Variants in UAP1L1 observed in about 807,000 individuals in gnomAD.
UAP1L1 encodes the protein UDP-N-acetylhexosamine pyrophosphorylase-like protein 1.
Under a neutral mutation model 45.3 loss-of-function variants are expected in UAP1L1, and 45 were observed. That is an observed-to-expected ratio of 0.99 (90% confidence interval 0.78 to 1.27). The LOEUF (loss-of-function observed/expected upper bound fraction) is 1.27, where lower values mean the gene tolerates loss of function less well. UAP1L1 is among the 50% of genes most tolerant of loss of function. The pLI is 0.00. For missense variants in UAP1L1, 667 were observed against 694.0 expected (o/e 0.96, Z 0.44); for synonymous variants, 323 against 303.9 (o/e 1.06, Z -0.65).
chr9:137,079,947 A>G, intron 5 of UAP1L1, 55 bp from the exon 6 acceptor site: 1 of 1,602,216 alleles, frequency 6.2e-7, no homozygotes, highest in Non-Finnish European at 8.5e-7. Flanking sequence ...CAGAGCCCCC[A>G]GCGGTGCCAT....
Position 137,077,571 on chromosome 9 carries a change from C to G in UAP1L1, c.39C>G (p.Arg13=). Residue 13 remains arginine, a synonymous_variant, in exon 1 of 9, where the codon CGC becomes CGG. Transcript: ENST00000409858. The surrounding 1 kb of genome is among the most constrained non-coding windows in gnomAD (Gnocchi z 4.7). ...SEQDVRARLQ[R]AGQEHLLRFW... is the part of the protein sequence containing the mutation. Reference sequence around the variant, plus strand: ...AGGACGTGCGCGCCCGGCTGCAGCGCGCTGGCCAGGAGCACCTCCTGCGCT... The same window carrying G: ...AGGACGTGCGCGCCCGGCTGCAGCGGGCTGGCCAGGAGCACCTCCTGCGCT... 1 of 1,395,790 alleles carries G rather than the reference C, an allele frequency of 7.2e-7. No individual in the cohort carries two copies. The highest frequency in any genetic ancestry group is 1.4e-5 in the South Asian group (1 of 73,810). The allele number at this position is 1,395,790 out of a possible 1,614,324, so 86.5% of individuals were successfully genotyped here. A position where few individuals can be genotyped will look rare whatever the true frequency, so the allele number is the denominator to read the frequency against.
rs758394386 is a variant in UAP1L1 at position 137,078,442 on chromosome 9, G to A, written c.495-60G>A. On this transcript the variant is annotated intron_variant, in intron 2 of 8. Coordinates refer to ENST00000409858, the MANE Select transcript of UAP1L1 (RefSeq NM_207309.3). The stretch of plus-strand genomic sequence containing the variant: ...AACCCCGATGCCGGCTCTGGTCCGA[G>A]CCCCGTCTGCCTGCAGGGCCAGGCG... 3.1e-6 allele frequency: 5 copies of A among 1,610,244 alleles called. No individual in the cohort carries two copies. The Admixed American group carries it at 5.0e-5, about 16-fold the overall frequency.
rs1248027990 is a variant in UAP1L1, at chr9:137,080,024, C to T, written c.1060C>T (p.Pro354Ser). The T allele has an allele frequency of 1.9e-6, 3 of 1,613,956 alleles. No individual in the cohort carries two copies. Among genetic ancestry groups the T allele is most frequent in the Non-Finnish European group, 8.5e-7 (1 of 1,179,952 alleles). The part of the protein sequence containing the change: ...VTREFEPLLK[P>S]HVAVKKVPYV... ...CAGGGAGTTTGAGCCTTTGCTGAAGCCACACGTGGCTGTGAAGAAGGTCCC... is the reference window on the plus strand; with the variant it reads ...CAGGGAGTTTGAGCCTTTGCTGAAGTCACACGTGGCTGTGAAGAAGGTCCC... Residue 354 changes from proline (P) to serine (S), a missense_variant, in exon 6 of 9, where the codon CCA (proline) becomes TCA (serine). By Grantham distance (74) the Pro-to-Ser change is moderately conservative (BLOSUM62 -1). Transcript: ENST00000409858.
chr9:137,077,817 G>A lies in UAP1L1; in HGVS notation c.285G>A (p.Glu95=), dbSNP rs1832716244. ...SDPETRRRWE[E]EGFRQISLNK... is the part of the protein sequence containing the mutation. ...CCGAGACACGGCGGCGCTGGGAGGA[G>A]GAAGGTAAGCGGGGTGGGAGGCCCT... is the stretch of plus-strand genomic sequence containing the variant. Residue 95 remains glutamate, a synonymous_variant, in exon 1 of 9, where the codon GAG becomes GAA. Transcript: ENST00000409858. The surrounding 1 kb of genome is among the most constrained non-coding windows in gnomAD (Gnocchi z 4.7). The A allele has an allele frequency of 2.9e-5, 40 of 1,400,928 alleles. No homozygotes were observed. Among genetic ancestry groups the A allele is most frequent in the Non-Finnish European group, 3.7e-5 (40 of 1,082,510 alleles). 86.8% of individuals were successfully genotyped at this position (1,400,928 alleles called of 1,614,324 possible).
Position 137,077,614 on chromosome 9 carries a change from C to T in UAP1L1, c.82C>T (p.Pro28Ser). 7.4e-7 allele frequency: 1 copy of T among 1,344,510 alleles called. No homozygotes were observed. Among genetic ancestry groups the T allele is most frequent in the Admixed American group, 2.9e-5 (1 of 34,744 alleles). 83.3% of individuals were successfully genotyped at this position (1,344,510 alleles called of 1,614,324 possible). Residue 28 changes from proline to serine, a missense_variant, in exon 1 of 9, where the codon CCG (proline) becomes TCG (serine). Physicochemically the swap from Pro to Ser is moderately conservative, Grantham distance 74 (BLOSUM62 -1). Coordinates refer to ENST00000409858, the MANE Select transcript of UAP1L1 (RefSeq NM_207309.3). This position sits in a 1 kb window ranked among gnomAD's most constrained non-coding sequence, Gnocchi z 4.7. Reference sequence around the variant, plus strand: ...CCTGCGCTTCTGGGCCGAGCTGGCGCCGGAGCCACGAGCCGCGCTGCTGGC... The same window carrying T: ...CCTGCGCTTCTGGGCCGAGCTGGCGTCGGAGCCACGAGCCGCGCTGCTGGC... ...HLLRFWAELA[P>S]EPRAALLAEL...
rs564627575 is a variant in UAP1L1 at position 137,078,160 on chromosome 9, A to C, written c.400A>C (p.Ser134Arg). ...GGGTATGTACCGTGTGGGGCTGCCC[A>C]GCCGGAAGACCCTGTACCAGCTGCA... ...PKGMYRVGLP[S>R]RKTLYQLQAE... is the part of the protein sequence containing the mutation. Residue 134 changes from serine (S) to arginine (R), a missense_variant, in exon 2 of 9, where the codon AGC (serine) becomes CGC (arginine). Ser to Arg is a moderately radical substitution (Grantham distance 110). Transcript: ENST00000409858. 5.7e-4 allele frequency: 888 copies of C among 1,550,066 alleles called. 4 individuals carry two copies. In the African/African-American group the frequency reaches 0.011, roughly 19 times the overall value.
rs769549923 is a variant in UAP1L1 at position 137,080,083 on chromosome 9, G to A, written c.1119G>A (p.Pro373=). The change falls in exon 6 of 9, where the codon CCG becomes CCA. Residue 373 remains proline, a synonymous_variant. Coordinates refer to ENST00000409858, the MANE Select transcript of UAP1L1 (RefSeq NM_207309.3). ...ATGAGGAGGGGAATCTGGTAAAGCC[G>A]CTAAAACCGAACGGGATAAAGATGG... is the stretch of plus-strand genomic sequence containing the variant. ...YVDEEGNLVK[P]LKPNGIKMEK... 12 of 1,614,080 alleles carry A rather than the reference G, an allele frequency of 7.4e-6. No individual in the cohort carries two copies. Among genetic ancestry groups the A allele is most frequent in the Middle Eastern group, 1.6e-4 (1 of 6,080 alleles).
intron 4 of UAP1L1, 30 bp downstream of exon 4, chr9:137,079,178 C>T (rs1269879639): frequency 6.3e-7 from 1 of 1,594,466 alleles, no homozygotes; most frequent in East Asian, 2.2e-5. Context: ...GCGCCCCGCA[C>T]CCGAGGCTGG....
chr9:137,078,301 G>T, intron 2 of UAP1L1, 47 bp downstream of exon 2: 3 of 1,508,528 alleles, frequency 2.0e-6, no homozygotes, highest in Non-Finnish European at 2.7e-6. Flanking sequence ...CCTTCCCCAC[G>T]CCCCCCCACA....
intron 5 of UAP1L1, chr9:137,079,718 G>A (rs1361718522): frequency 1.7e-6 from 1 of 584,958 alleles, no homozygotes; most frequent in South Asian, 2.2e-5. Context: ...CTGGGGACCT[G>A]CCCTGGTGCC....
At position 137,080,072 on chromosome 9, in the gene UAP1L1, C is replaced by T. The variant is rs758639798; in HGVS notation, c.1108C>T (p.Leu370=). The T allele has an allele frequency of 1.9e-6, 3 of 1,614,062 alleles. No individual in the cohort carries two copies. The highest frequency in any genetic ancestry group is 2.5e-6 in the Non-Finnish European group (3 of 1,180,004). The part of the protein sequence containing the change: ...KVPYVDEEGN[L]VKPLKPNGIK... Reference sequence around the variant, plus strand: ...CCCGTATGTGGATGAGGAGGGGAATCTGGTAAAGCCGCTAAAACCGAACGG... The same window carrying T: ...CCCGTATGTGGATGAGGAGGGGAATTTGGTAAAGCCGCTAAAACCGAACGG... The change falls in exon 6 of 9, where the codon CTG becomes TTG. Residue 370 remains leucine, a synonymous_variant. Coordinates refer to ENST00000409858, the MANE Select transcript of UAP1L1 (RefSeq NM_207309.3).
intron 2 of UAP1L1, 119 bp from the exon 3 acceptor site, chr9:137,078,383 C>T: frequency 4.4e-6 from 7 of 1,579,918 alleles, no homozygotes; most frequent in South Asian, 1.1e-5. Context: ...CAAAATGGGG[C>T]CTGGCCCCAG....
chr9:137,078,012 G>A (rs1413477325), intron 1 of UAP1L1, 38 bp from the exon 2 acceptor site: 1 of 1,542,102 alleles, frequency 6.5e-7, no homozygotes, highest in South Asian at 1.2e-5. Context: ...AAGGGTGGGC[G>A]GGTCCCGGGC....
Position 137,079,143 on chromosome 9 carries a change from G to T in UAP1L1, c.838G>T (p.Ala280Ser). 6.2e-7 allele frequency: 1 copy of T among 1,609,788 alleles called. No individual in the cohort carries two copies. Among genetic ancestry groups the T allele is most frequent in the Non-Finnish European group, 8.5e-7 (1 of 1,178,972 alleles). ...TGTGTTGCAGGGCGCAGACTGTGGC[G>T]CCAAGGTTAGCGCCCGACTGCGCGG... ...FCVLQGADCG[A>S]KVVEKAYPEE... Residue 280 changes from alanine (A) to serine (S), a missense_variant, in exon 4 of 9, where the codon GCC becomes TCC. Coordinates refer to ENST00000409858, the MANE Select transcript of UAP1L1 (RefSeq NM_207309.3).
Position 137,079,400 on chromosome 9 carries a change from A to C in UAP1L1, c.988A>C (p.Asn330His). The change falls in exon 5 of 9, where the codon AAC becomes CAC. Residue 330 changes from asparagine to histidine, a missense_variant. Asn to His is a moderately conservative substitution (Grantham distance 68). Coordinates refer to ENST00000409858, the MANE Select transcript of UAP1L1 (RefSeq NM_207309.3). ...SDGSLLYNAGNICNHFFTRGF... is the reference protein window; with the variant it reads ...SDGSLLYNAGHICNHFFTRGF... ...CGGGAGCCTGCTGTACAATGCAGGC[A>C]ACATCTGCAACCACTTCTTCACCCG... 1 of 1,606,004 alleles carries C rather than the reference A, an allele frequency of 6.2e-7. No individual in the cohort carries two copies. The highest frequency in any genetic ancestry group is 8.5e-7 in the Non-Finnish European group (1 of 1,174,716).
chr9:137,080,393 C>G lies in UAP1L1; in HGVS notation c.1178+251C>G, dbSNP rs1228349163. The G allele has an allele frequency of 1.7e-5, 10 of 593,844 alleles. No individual in the cohort carries two copies. In the East Asian group the frequency reaches 2.9e-4, roughly 17 times the overall value. 36.8% of individuals were successfully genotyped at this position (593,844 alleles called of 1,614,324 possible). A position where few individuals can be genotyped will look rare whatever the true frequency, so the allele number is the denominator to read the frequency against. On this transcript the variant is annotated intron_variant, in intron 6 of 8. Coordinates refer to ENST00000409858, the MANE Select transcript of UAP1L1 (RefSeq NM_207309.3). ...CACCTCCCGGACCTTCCACTGCCCCCACCCATGGTTAGGAGAGGTCTCCTG... is the reference window on the plus strand; with the variant it reads ...CACCTCCCGGACCTTCCACTGCCCCGACCCATGGTTAGGAGAGGTCTCCTG...
rs1832802384 is a variant in UAP1L1, at chr9:137,082,379, C to T, written c.1432-258C>T. ...TCTGCTACCTCCCTGACCTCGGCTG[C>T]CCTTGCCCCTTTCTCTGGTCAGGTC... On this transcript the variant is annotated intron_variant, in intron 8 of 8. Transcript: ENST00000409858. The surrounding 1 kb of genome is among the most constrained non-coding windows in gnomAD (Gnocchi z 5.7). The T allele has an allele frequency of 1.7e-5, 10 of 594,630 alleles. No homozygotes were observed. The highest frequency in any genetic ancestry group is 2.4e-5 in the Non-Finnish European group (8 of 334,564). The allele number at this position is 594,630 out of a possible 1,614,324, so 36.8% of individuals were successfully genotyped here. A position where few individuals can be genotyped will look rare whatever the true frequency, so the allele number is the denominator to read the frequency against.
Position 137,078,096 on chromosome 9 carries a change from TG to T in UAP1L1, c.342del (p.Gln115ArgfsTer7). The T allele has an allele frequency of 6.5e-7, 1 of 1,550,192 alleles. No homozygotes were observed. On this transcript the variant is annotated frameshift_variant, in exon 2 of 9. Transcript: ENST00000409858. LOFTEE classifies it high-confidence loss of function. ...LNKVAVLLLA[G>X]GQGTRLGVTY... ...ACAAGGTGGCCGTCCTGCTGCTGGC[TG>T]GGGGGCAGGGCACTCGCCTGGGCGT...
At position 137,083,166 on chromosome 9, in the gene UAP1L1, C is replaced by T. The variant is rs1028815091; in HGVS notation, c.*437C>T. ...TGTGGATCCACCACACCCCACCGAG[C>T]ACTAGAAGCTGCATAAGCTACACAG... On this transcript the variant is annotated 3_prime_UTR_variant, in exon 9 of 9. Coordinates refer to ENST00000409858, the MANE Select transcript of UAP1L1 (RefSeq NM_207309.3). The T allele has an allele frequency of 1.7e-5, 3 of 177,146 alleles. No individual in the cohort carries two copies. The highest frequency in any genetic ancestry group is 2.9e-4 in the East Asian group (2 of 6,960). 11.0% of individuals were successfully genotyped at this position (177,146 alleles called of 1,614,324 possible).
Sources: gnomAD v4.1 joint callset for allele counts on GRCh38, gnomAD v4.1.1 for gene constraint, Gnocchi (gnomAD v3.1) non-coding constraint, MANE v1.5 for transcripts, NCBI Gene and HGNC (gene_info 2026-07-23, HGNC 2026-07-21) for gene names.